MTUS2: variants seen among roughly 807,000 people sequenced by gnomAD.
The protein encoded by MTUS2 is microtubule associated scaffold protein 2.
MTUS2 carries 40 observed loss-of-function variants against 114.1 expected under a neutral mutation model. The observed-to-expected ratio is 0.35, with a 90% CI of 0.27 to 0.46. The LOEUF (loss-of-function observed/expected upper bound fraction) is 0.46, where lower values mean the gene tolerates loss of function less well. MTUS2 is among the 20% of genes least tolerant of loss of function. The pLI, the probability that MTUS2 is intolerant of heterozygous loss-of-function variation, is 1.00. For missense variants in MTUS2, 1,679 were observed against 1,705.4 expected, an observed-to-expected ratio of 0.98 and a Z score of 0.27; for synonymous variants, 688 against 672.0, an observed-to-expected ratio of 1.02 and a Z score of -0.37.
At chr13:29,499,935 G>A (rs1294011859) in intron 14 of MTUS2, among the ~76,000 whole-genome samples, 1 of 152,238 alleles carries the variant, frequency 6.6e-6, no homozygotes, top group Admixed American at 6.5e-5. Context: ...CAGCAGCCCA[G>A]GACTTCCCAG....
intron 2 of MTUS2, among the ~76,000 whole-genome samples, chr13:29,020,915 T>C (rs1886266709): frequency 6.6e-6 from 1 of 152,064 alleles, no homozygotes; most frequent in Non-Finnish European, 1.5e-5. Context: ...TTATTAAGTG[T>C]CCTAACTTAA....
chr13:29,337,082 G>A (rs1901100184), intron 7 of MTUS2, among the ~76,000 whole-genome samples: 1 of 152,148 alleles, frequency 6.6e-6, no homozygotes, highest in Non-Finnish European at 1.5e-5. Flanking sequence ...GCTGGGCTCT[G>A]TGGGGATGGG....
intron 4 of MTUS2, among the ~76,000 whole-genome samples, chr13:29,041,826 A>G (rs1184228083): frequency 6.6e-6 from 1 of 152,192 alleles, no homozygotes; most frequent in African/African-American, 2.4e-5. Context: ...GTATCCTGAA[A>G]CATTGCTGAA....
intron 9 of MTUS2, among the ~76,000 whole-genome samples, chr13:29,463,288 C>T (rs1024261868): frequency 6.6e-6 from 1 of 152,122 alleles, no homozygotes; most frequent in Non-Finnish European, 1.5e-5. Context: ...CTTCTGACCT[C>T]CAGGACTGTG....
intron 9 of MTUS2, among the ~76,000 whole-genome samples, chr13:29,475,534 G>A (rs1176510131): frequency 1.3e-5 from 2 of 152,300 alleles, no homozygotes; most frequent in East Asian, 1.9e-4. Context: ...TGCCCCTGAA[G>A]ACCTTCCAGT....
At chr13:29,214,868 G>A (rs953611480) in intron 5 of MTUS2, among the ~76,000 whole-genome samples, 1 of 152,088 alleles carries the variant, frequency 6.6e-6, no homozygotes, top group Non-Finnish European at 1.5e-5. Context: ...GAGTATCTTA[G>A]TGGTGTTCTC....
intron 4 of MTUS2, among the ~76,000 whole-genome samples, chr13:29,052,219 C>A (rs9508238): frequency 1.3e-5 from 2 of 151,978 alleles, no homozygotes; most frequent in Admixed American, 6.5e-5. Flanking sequence ...CAGTGGCTCA[C>A]GCCTGTAATC....
chr13:29,257,405 T>C (rs141300314), intron 5 of MTUS2, among the ~76,000 whole-genome samples: 9 of 152,228 alleles, frequency 5.9e-5, no homozygotes, highest in African/African-American at 2.2e-4. Flanking sequence ...CCTGTGGTTT[T>C]GATGCCTGAG....
chr13:29,448,360 C>T (rs531511360), intron 9 of MTUS2, among the ~76,000 whole-genome samples: 1 of 152,338 alleles, frequency 6.6e-6, no homozygotes, highest in African/African-American at 2.4e-5. Context: ...AAAGCTGTGA[C>T]TATCTGAATG....
intron 2 of MTUS2, among the ~76,000 whole-genome samples, chr13:28,841,403 A>G (rs1042532657): frequency 6.6e-6 from 1 of 152,082 alleles, no homozygotes; most frequent in African/African-American, 2.4e-5. Flanking sequence ...GGCATGGTGA[A>G]AGTGGTGCAG....
rs1003421352 is a variant in MTUS2, at chr13:29,504,809, C to T, written c.*1603C>T. 6.9e-5 allele frequency: 16 copies of T among 232,840 alleles called. No homozygotes were observed. Among genetic ancestry groups the T allele is most frequent in the South Asian group, 1.8e-4 (1 of 5,534 alleles). The allele number at this position is 232,840 out of a possible 1,614,324, so 14.4% of individuals were successfully genotyped here. A position where few individuals can be genotyped will look rare whatever the true frequency, so the allele number is the denominator to read the frequency against. ...TCCTGAGCACAGGCCTGTCTTTGAG[C>T]GTGCCCAAGGCGAGAAGAACCATGA... On this transcript the variant is annotated 3_prime_UTR_variant, in exon 16 of 16. Transcript: ENST00000612955.
At chr13:29,196,814 A>G (rs1413639792) in intron 5 of MTUS2, among the ~76,000 whole-genome samples, 1 of 152,230 alleles carries the variant, frequency 6.6e-6, no homozygotes, top group Non-Finnish European at 1.5e-5. Context: ...ATAATAATCC[A>G]TCATGTGTAT....
intron 8 of MTUS2, among the ~76,000 whole-genome samples, chr13:29,370,181 C>G (rs1378803296): frequency 1.3e-5 from 2 of 151,824 alleles, no homozygotes; most frequent in South Asian, 2.1e-4. Flanking sequence ...AAAACCTCAT[C>G]TCTAAAAGAG....
chr13:29,380,582 G>C (rs1441589744), intron 8 of MTUS2, among the ~76,000 whole-genome samples: 3 of 152,216 alleles, frequency 2.0e-5, no homozygotes, highest in Middle Eastern at 6.3e-3. Context: ...CACACGAGAG[G>C]AGATGGGTTC....
Position 29,026,922 on chromosome 13 carries a change from G to A in MTUS2, c.2205+19G>A, listed in dbSNP as rs367974461. 1 of 1,564,652 alleles carries A rather than the reference G, an allele frequency of 6.4e-7. No homozygotes were observed. Among genetic ancestry groups the A allele is most frequent in the Admixed American group, 1.8e-5 (1 of 55,880 alleles). On this transcript the variant is annotated intron_variant, in intron 3 of 15. Transcript: ENST00000612955. Reference sequence around the variant, plus strand: ...GCAGGAGGTAAGAGAATGTCATTATGATATGGTCTATAAGTTGACTGTCCC... The same window carrying A: ...GCAGGAGGTAAGAGAATGTCATTATAATATGGTCTATAAGTTGACTGTCCC...
chr13:29,029,442 G>A (rs1470794175), intron 3 of MTUS2, among the ~76,000 whole-genome samples: 1 of 152,120 alleles, frequency 6.6e-6, no homozygotes, highest in Non-Finnish European at 1.5e-5. Flanking sequence ...TAGTTATAGT[G>A]AGTCATTTTC....
intron 2 of MTUS2, among the ~76,000 whole-genome samples, chr13:28,998,325 T>G (rs1394879785): frequency 6.6e-6 from 1 of 152,214 alleles, no homozygotes; most frequent in Non-Finnish European, 1.5e-5. Context: ...CCCTTAACAT[T>G]TGTTCCTTCT....
intron 5 of MTUS2, among the ~76,000 whole-genome samples, chr13:29,228,288 C>T (rs1253391576): frequency 3.9e-5 from 6 of 152,090 alleles, no homozygotes; most frequent in Non-Finnish European, 8.8e-5. Flanking sequence ...AAGGGATTCC[C>T]GTGAGTAAAG....
Position 29,281,826 on chromosome 13 carries a change from A to G in MTUS2, c.2767A>G (p.Ser923Gly). 1 of 1,607,228 alleles carries G rather than the reference A, an allele frequency of 6.2e-7. No homozygotes were observed. The highest frequency in any genetic ancestry group is 8.5e-7 in the Non-Finnish European group (1 of 1,175,184). Reference sequence around the variant, plus strand: ...CTCCAGTGTGACAGCACCCCGCAGGAGTTTACTTCCAGCGCCAAAATCCAC... The same window carrying G: ...CTCCAGTGTGACAGCACCCCGCAGGGGTTTACTTCCAGCGCCAAAATCCAC... ...ASSSVTAPRR[S>G]LLPAPKSTST... Residue 923 changes from serine to glycine, a missense_variant, in exon 6 of 16, where the codon AGT becomes GGT. Ser to Gly is a moderately conservative substitution (Grantham distance 56). This residue lies in a region of MTUS2 where 822 missense variants were observed against 899.7 expected (regional missense o/e 0.91). Transcript: ENST00000612955.
Sources: allele counts gnomAD v4.1 joint callset (sites outside exome capture counted in the v4.1 genomes callset), GRCh38; gene constraint gnomAD v4.1.1; regional missense constraint gnomAD v4.1.1; transcripts MANE v1.5; gene names NCBI Gene and HGNC (gene_info 2026-07-23, HGNC 2026-07-21).